The following MGRN1 variants were observed in gnomAD, a reference collection of about 807,000 sequenced individuals.
MGRN1 encodes mahogunin ring finger 1.
A neutral mutation model predicts 69.2 loss-of-function variants in MGRN1; 29 were observed. That is an observed-to-expected ratio of 0.42 (90% CI 0.31 to 0.57). The LOEUF is 0.57. MGRN1 is among the 20% of genes least tolerant of loss of function. MGRN1 has a pLI of 0.15. For missense variants in MGRN1, 998 were observed against 796.2 expected (o/e 1.25, Z -3.05); for synonymous variants, 470 against 344.2 (o/e 1.37, Z -4.04).
At chr16:4,677,704 G>T in intron 11 of MGRN1, 132 bp downstream of exon 11, 1 of 848,158 alleles carries the variant, frequency 1.2e-6, no homozygotes, top group East Asian at 2.9e-5. Flanking sequence ...GGCCCCCATG[G>T]ATGGCTGTGA....
chr16:4,654,056 T>G (rs2078471424), intron 4 of MGRN1, among the ~76,000 whole-genome samples: 1 of 152,134 alleles, frequency 6.6e-6, no homozygotes, highest in Non-Finnish European at 1.5e-5. Flanking sequence ...CCGGCCCACC[T>G]GGCCCAGGTT....
chr16:4,682,708 C>G, intron 13 of MGRN1, 115 bp from the exon 14 acceptor site: 1 of 1,226,010 alleles, frequency 8.2e-7, no homozygotes, highest in Non-Finnish European at 1.1e-6. Context: ...AGTGTCCTTG[C>G]GTGGGTCCTG....
intron 12 of MGRN1, chr16:4,681,281 G>C (rs577538161): frequency 4.1e-6 from 2 of 483,356 alleles, no homozygotes; most frequent in Non-Finnish European, 7.3e-6. Context: ...GGGGCTGGTT[G>C]AGGCCAGGGC....
intron 11 of MGRN1, among the ~76,000 whole-genome samples, 186 bp from the exon 12 acceptor site, chr16:4,679,846 G>A (rs1456602557): frequency 1.3e-5 from 2 of 152,100 alleles, no homozygotes; most frequent in East Asian, 1.9e-4. Flanking sequence ...CTGCCGAGAC[G>A]CACACATGGC....
intron 1 of MGRN1, among the ~76,000 whole-genome samples, chr16:4,641,587 C>A (rs8046874): frequency 6.7e-6 from 1 of 150,168 alleles, no homozygotes; most frequent in Non-Finnish European, 1.5e-5. Flanking sequence ...GGTGCAGTCT[C>A]GGCTGACCGC....
intron 1 of MGRN1, among the ~76,000 whole-genome samples, chr16:4,647,506 C>T (rs915351228): frequency 7.2e-5 from 11 of 152,236 alleles, no homozygotes; most frequent in Non-Finnish European, 1.3e-4. Context: ...CTTTGCTCCA[C>T]CCCTCGTCTG....
rs752247842 is a variant in MGRN1, at chr16:4,650,472, C to T, written c.196C>T (p.Arg66Cys). 40 of 1,613,338 alleles carry T rather than the reference C, an allele frequency of 2.5e-5. No homozygotes were observed. The highest frequency in any genetic ancestry group is 1.6e-4 in the Middle Eastern group (1 of 6,082). Residue 66 changes from arginine (R) to cysteine (C), a missense_variant, in exon 2 of 17, where the codon CGC becomes TGC. Coordinates refer to ENST00000262370, the MANE Select transcript of MGRN1 (RefSeq NM_015246.4). Reference sequence around the variant, plus strand: ...CATGGATCTGAACTTCCTGGGCAGCCGCCCGGTCCAGGTGGGTCTGGACAG... The same window carrying T: ...CATGGATCTGAACTTCCTGGGCAGCTGCCCGGTCCAGGTGGGTCTGGACAG... ...ENMDLNFLGS[R>C]PVQFPYVTPA... is the part of the protein sequence containing the mutation.
At chr16:4,661,221 C>T (rs1424323260) in intron 5 of MGRN1, among the ~76,000 whole-genome samples, 1 of 151,988 alleles carries the variant, frequency 6.6e-6, no homozygotes, top group Non-Finnish European at 1.5e-5. Context: ...TCCAGCAATC[C>T]TCGTACCTCG....
At chr16:4,625,171 C>T (rs1157831740) in intron 1 of MGRN1, 123 bp downstream of exon 1, 2 of 941,318 alleles carry the variant, frequency 2.1e-6, no homozygotes, top group African/African-American at 1.8e-5. Context: ...CGTTGCTACC[C>T]CGAGCCTTCG....
intron 1 of MGRN1, among the ~76,000 whole-genome samples, chr16:4,648,613 C>T (rs1334792730): frequency 2.9e-5 from 3 of 103,808 alleles, no homozygotes; most frequent in African/African-American, 9.7e-5. Flanking sequence ...CGTGGTCACC[C>T]GGGTCCTCCT....
intron 7 of MGRN1, among the ~76,000 whole-genome samples, chr16:4,665,915 C>T (rs142183351): frequency 2.6e-5 from 4 of 151,414 alleles, no homozygotes; most frequent in African/African-American, 7.3e-5. Flanking sequence ...CTGCAGCCTA[C>T]GCCTCCCGGG....
chr16:4,629,129 C>G (rs186909853), intron 1 of MGRN1, among the ~76,000 whole-genome samples: 1 of 148,082 alleles, frequency 6.8e-6, no homozygotes, highest in South Asian at 2.1e-4. Flanking sequence ...AGCCACTGCA[C>G]CTGGCCTGCT....
At chr16:4,687,952 C>T (rs1182495946) in intron 16 of MGRN1, 2 of 985,616 alleles carry the variant, frequency 2.0e-6, no homozygotes, top group Non-Finnish European at 2.4e-6. Context: ...TTCAGACGGC[C>T]CCGGCCTGCG....
At chr16:4,649,918 G>C (rs28424029) in intron 1 of MGRN1, 6,407 of 160,308 alleles carry the variant, frequency 0.04, 457 homozygotes, top group African/African-American at 0.14. Flanking sequence ...TGGCCTGTCT[G>C]CATCAGCTCC....
intron 14 of MGRN1, 86 bp from the exon 15 acceptor site, chr16:4,683,138 G>T (rs1000960030): frequency 1.3e-6 from 2 of 1,569,906 alleles, no homozygotes; most frequent in Non-Finnish European, 1.7e-6. Flanking sequence ...GTGCGGTCCC[G>T]GGAGGGCCGT....
chr16:4,656,301 CA>C (rs1369852910), intron 4 of MGRN1, among the ~76,000 whole-genome samples: 7 of 152,208 alleles, frequency 4.6e-5, no homozygotes, highest in Admixed American at 3.3e-4. Flanking sequence ...TGGTGTCCCC[CA>C]GGGGCCCTGA....
intron 11 of MGRN1, among the ~76,000 whole-genome samples, chr16:4,677,844 T>TC (rs1357401415): frequency 4.9e-4 from 63 of 127,462 alleles, no homozygotes; most frequent in Admixed American, 4.8e-3. Flanking sequence ...TGCTTTTTTT[T>TC]TTTTTTTTTT....
At chr16:4,626,848 G>A (rs1335316652) in intron 1 of MGRN1, among the ~76,000 whole-genome samples, 2 of 152,230 alleles carry the variant, frequency 1.3e-5, no homozygotes, top group Admixed American at 1.3e-4. Context: ...TGGCACCCAG[G>A]TGCAACCCAT....
At chr16:4,642,809 A>C (rs2078191597) in intron 1 of MGRN1, among the ~76,000 whole-genome samples, 1 of 150,446 alleles carries the variant, frequency 6.6e-6, no homozygotes, top group Non-Finnish European at 1.5e-5. Context: ...TTTTTTGTTA[A>C]AGGGTCTGGC....
Sources: gnomAD v4.1 joint callset for allele counts (sites outside exome capture counted in the v4.1 genomes callset) on GRCh38, gnomAD v4.1.1 for gene constraint, MANE v1.5 for transcripts, NCBI Gene and HGNC (gene_info 2026-07-23, HGNC 2026-07-21) for gene names.